Variants in ANKFN1 observed in about 807,000 individuals in gnomAD.
ANKFN1 encodes ankyrin repeat and fibronectin type-III domain-containing protein 1.
A neutral mutation model predicts 108.7 loss-of-function variants in ANKFN1; 74 were observed. The ratio of observed to expected loss-of-function variants is 0.68; its 90% confidence interval spans 0.56 to 0.83. The LOEUF (loss-of-function observed/expected upper bound fraction) is 0.83. ANKFN1 is among the 40% of genes least tolerant of loss of function. ANKFN1 has a pLI of 0.00. For missense variants in ANKFN1, 1,505 were observed against 1,382.3 expected, an observed-to-expected ratio of 1.09 and a Z score of -1.41; for synonymous variants, 547 against 516.2, an observed-to-expected ratio of 1.06 and a Z score of -0.81.
intron 1 of ANKFN1, among the ~76,000 whole-genome samples, chr17:56,167,300 T>C (rs142124065): frequency 0.06 from 6,021 of 100,834 alleles, 435 homozygotes; most frequent in African/African-American, 0.21. Context: ...CACACATACA[T>C]ATATACACAC....
chr17:56,331,052 A>T (rs970027760), intron 4 of ANKFN1, among the ~76,000 whole-genome samples: 3 of 152,146 alleles, frequency 2.0e-5, no homozygotes, highest in Non-Finnish European at 4.4e-5. Context: ...TGGGGAATGG[A>T]AAGAGTCTAA....
chr17:56,448,862 C>A (rs1036568686), intron 10 of ANKFN1, among the ~76,000 whole-genome samples: 1 of 152,114 alleles, frequency 6.6e-6, no homozygotes, highest in Non-Finnish European at 1.5e-5. Flanking sequence ...CTAAGACTGC[C>A]CGACACAAGA....
intron 4 of ANKFN1, among the ~76,000 whole-genome samples, chr17:56,123,285 G>T (rs1226759622): frequency 6.6e-6 from 1 of 152,228 alleles, no homozygotes; most frequent in Non-Finnish European, 1.5e-5. Flanking sequence ...TCTTCCATCA[G>T]CGAACTCTGA....
At chr17:56,226,366 G>A (rs1916268901) in intron 2 of ANKFN1, among the ~76,000 whole-genome samples, 1 of 152,012 alleles carries the variant, frequency 6.6e-6, no homozygotes, top group African/African-American at 2.4e-5. Context: ...TATTATTTAT[G>A]GGCCCAGAAA....
At chr17:56,467,676 TA>T (rs531411625) in intron 15 of ANKFN1, among the ~76,000 whole-genome samples, 2,713 of 74,104 alleles carry the variant, frequency 0.037, 77 homozygotes, top group African/African-American at 0.084. Context: ...GAATCCATCT[TA>T]AAAAAAAAAA....
At chr17:56,046,281 G>A (rs900991198) in exon 4 of ANKFN1, 2 of 158,744 alleles carry the variant, frequency 1.3e-5, no homozygotes, top group South Asian at 1.9e-4. Context: ...ACTGGAGCCC[G>A]TGCACAGGCT....
chr17:56,249,948 A>G (rs2043199201), intron 3 of ANKFN1, among the ~76,000 whole-genome samples: 1 of 152,168 alleles, frequency 6.6e-6, no homozygotes, highest in Non-Finnish European at 1.5e-5. Flanking sequence ...ATTATTTCCA[A>G]GGAAAAAACA....
At chr17:56,351,024 T>C in intron 5 of ANKFN1, 57 bp downstream of exon 5, 1 of 1,540,166 alleles carries the variant, frequency 6.5e-7, no homozygotes, top group Admixed American at 1.8e-5. Flanking sequence ...ATGTTTGGGT[T>C]TAAGGATATT....
At chr17:56,385,876 C>T (rs1198187237) in intron 8 of ANKFN1, among the ~76,000 whole-genome samples, 2 of 152,190 alleles carry the variant, frequency 1.3e-5, no homozygotes, top group South Asian at 2.1e-4. Context: ...GTTGGTGGGA[C>T]TGTAAACTAG....
In ANKFN1 at chr17:56,513,306, C is replaced by A. The variant is rs541869952; in HGVS notation, c.*2037C>A. Among the ~76,000 whole-genome samples the A allele has an allele frequency of 3.3e-5, 5 of 152,314 alleles. No individual in the cohort carries two copies. The highest frequency in any genetic ancestry group is 2.1e-4 in the South Asian group (1 of 4,828). ...CTAACAAGTTTCCAATATTACAGAG[C>A]TGCTTGTTGCCAAGGAATACAGACT... On this transcript the variant is annotated 3_prime_UTR_variant, in exon 21 of 21. Transcript: ENST00000682825.
intron 4 of ANKFN1, among the ~76,000 whole-genome samples, chr17:56,347,536 C>A (rs576350789): frequency 1.3e-5 from 2 of 151,970 alleles, no homozygotes; most frequent in South Asian, 4.1e-4. Flanking sequence ...CACTGATTCT[C>A]AAATGCTTGT....
chr17:56,261,270 C>A (rs901547263), intron 3 of ANKFN1, among the ~76,000 whole-genome samples: 1 of 152,090 alleles, frequency 6.6e-6, no homozygotes, highest in Admixed American at 6.5e-5. Context: ...CAAAAACTGC[C>A]ATTGTTAGAA....
chr17:56,078,548 A>C (rs1229921487), intron 4 of ANKFN1, among the ~76,000 whole-genome samples: 1 of 152,234 alleles, frequency 6.6e-6, no homozygotes, highest in Non-Finnish European at 1.5e-5. Context: ...CCCAGAGTTT[A>C]TAACTGTTGT....
At chr17:56,101,773 T>TGTTGACC (rs1258413380) in intron 4 of ANKFN1, among the ~76,000 whole-genome samples, 23 of 152,286 alleles carry the variant, frequency 1.5e-4, no homozygotes, top group Admixed American at 2.0e-4. Context: ...CATTCAGAAA[T>TGTTGACC]AGTTTGAGAA....
At chr17:56,279,746 G>A (rs573409505) in intron 3 of ANKFN1, among the ~76,000 whole-genome samples, 1 of 152,170 alleles carries the variant, frequency 6.6e-6, no homozygotes, top group East Asian at 1.9e-4. Flanking sequence ...GATTTTTAAG[G>A]TCTACACACA....
chr17:56,162,847 C>T lies in ANKFN1; in HGVS notation c.-71+9317C>T, dbSNP rs995445714. 2.0e-5 allele frequency among the ~76,000 whole-genome samples: 3 copies of T among 152,068 alleles called. No individual in the cohort carries two copies. The South Asian group carries it at 6.3e-4, about 32-fold the overall frequency. On this transcript the variant is annotated intron_variant, in intron 1 of 20. Transcript: ENST00000682825. ...GGTCAGGAGTTTGAGACCAGCCTAGCCAATATGGTGAAACCCTGTCTCTAC... is the reference window on the plus strand; with the variant it reads ...GGTCAGGAGTTTGAGACCAGCCTAGTCAATATGGTGAAACCCTGTCTCTAC...
chr17:56,336,173 T>C (rs1479867160), intron 4 of ANKFN1, among the ~76,000 whole-genome samples: 1 of 152,202 alleles, frequency 6.6e-6, no homozygotes, highest in Non-Finnish European at 1.5e-5. Flanking sequence ...GGTCTAAAAT[T>C]CTCTTTTTTT....
At chr17:56,262,175 T>C (rs2043528379) in intron 3 of ANKFN1, among the ~76,000 whole-genome samples, 1 of 152,116 alleles carries the variant, frequency 6.6e-6, no homozygotes, top group Non-Finnish European at 1.5e-5. Context: ...AGAGAGAAGC[T>C]AGAGAGGATT....
chr17:56,467,034 C>G (rs2050097388), intron 15 of ANKFN1, among the ~76,000 whole-genome samples: 2 of 152,020 alleles, frequency 1.3e-5, no homozygotes, highest in South Asian at 4.2e-4. Context: ...GGGAGAATCG[C>G]TGGAACCTGG....
Sources: allele counts gnomAD v4.1 joint callset (sites outside exome capture counted in the v4.1 genomes callset), GRCh38; gene constraint gnomAD v4.1.1; transcripts MANE v1.5; gene names NCBI Gene and HGNC (gene_info 2026-07-23, HGNC 2026-07-21).